Variants in TMEM132C observed in about 807,000 individuals in gnomAD.
TMEM132C encodes the protein protein phosphatase 1, regulatory subunit 152.
A neutral mutation model predicts 61.4 loss-of-function variants in TMEM132C; 29 were observed. That is an observed-to-expected ratio of 0.47 (90% CI 0.35 to 0.64). The LOEUF is 0.64. TMEM132C is among the 30% of genes least tolerant of loss of function. The pLI is 0.00. For synonymous variants in TMEM132C, 656 were observed against 633.1 expected (o/e 1.04, Z -0.54); for missense variants, 1,408 against 1,476.9 (o/e 0.95, Z 0.76).
chr12:128,310,159 C>T (rs1337654045), intron 1 of TMEM132C, among the ~76,000 whole-genome samples: 1 of 152,176 alleles, frequency 6.6e-6, no homozygotes, highest in Non-Finnish European at 1.5e-5. Flanking sequence ...GTGAATAATG[C>T]TGCCATGAAC....
At chr12:128,492,469 C>A (rs565296804) in intron 2 of TMEM132C, among the ~76,000 whole-genome samples, 7 of 152,126 alleles carry the variant, frequency 4.6e-5, no homozygotes, top group Middle Eastern at 3.2e-3. Context: ...TCCCACCAAC[C>A]GTGTAAAAGT....
intron 2 of TMEM132C, among the ~76,000 whole-genome samples, chr12:128,469,710 TTA>T (rs1870876440): frequency 6.6e-6 from 1 of 151,454 alleles, no homozygotes; most frequent in African/African-American, 2.4e-5. Flanking sequence ...ATATATGCAT[TTA>T]TGTGTGTGTG....
chr12:128,562,958 C>T (rs1203306247), intron 3 of TMEM132C, among the ~76,000 whole-genome samples: 1 of 152,222 alleles, frequency 6.6e-6, no homozygotes, highest in Non-Finnish European at 1.5e-5. Context: ...CAAGATAGCT[C>T]ATCACCACCA....
intron 4 of TMEM132C, among the ~76,000 whole-genome samples, chr12:128,622,370 T>A (rs2398422): frequency 0.055 from 2,953 of 53,998 alleles, 134 homozygotes; most frequent in African/African-American, 0.08. Context: ...AATATATATA[T>A]ATATATATAT....
At chr12:128,515,442 A>G (rs1031054272) in intron 2 of TMEM132C, among the ~76,000 whole-genome samples, 2 of 152,246 alleles carry the variant, frequency 1.3e-5, no homozygotes, top group African/African-American at 2.4e-5. Context: ...AATGCTAAGC[A>G]GCTGAACTAA....
chr12:128,581,942 G>T (rs182556333), intron 3 of TMEM132C, among the ~76,000 whole-genome samples: 3 of 152,306 alleles, frequency 2.0e-5, no homozygotes, highest in Non-Finnish European at 2.9e-5. Flanking sequence ...AGTGGCTTCA[G>T]CTCCGCGAAT....
intron 2 of TMEM132C, among the ~76,000 whole-genome samples, chr12:128,427,802 A>T (rs1168839024): frequency 1.3e-5 from 2 of 152,208 alleles, no homozygotes; most frequent in African/African-American, 4.8e-5. Context: ...GCCATCTCTG[A>T]TGTTCCTCGA....
intron 2 of TMEM132C, among the ~76,000 whole-genome samples, chr12:128,510,097 A>T (rs981878168): frequency 6.6e-6 from 1 of 152,194 alleles, no homozygotes; most frequent in Admixed American, 6.5e-5. Flanking sequence ...GGAGTCAAGG[A>T]CATACAAAGT....
At chr12:128,430,282 T>C (rs893684242) in intron 2 of TMEM132C, among the ~76,000 whole-genome samples, 2 of 152,178 alleles carry the variant, frequency 1.3e-5, no homozygotes, top group Admixed American at 6.5e-5. Context: ...CCCTATGGCA[T>C]TGGATACCAT....
chr12:128,559,748 A>AT (rs1447452906), intron 3 of TMEM132C, among the ~76,000 whole-genome samples: 4 of 152,116 alleles, frequency 2.6e-5, no homozygotes, highest in African/African-American at 9.7e-5. Flanking sequence ...CTAGCATGGT[A>AT]TTTGTGAGCC....
intron 1 of TMEM132C, among the ~76,000 whole-genome samples, chr12:128,291,111 G>A (rs988120801): frequency 6.6e-6 from 1 of 152,192 alleles, no homozygotes; most frequent in Non-Finnish European, 1.5e-5. Context: ...GATGACCCGA[G>A]CAGCACAGGA....
At chr12:128,610,870 G>A (rs1876609621) in intron 3 of TMEM132C, among the ~76,000 whole-genome samples, 1 of 152,190 alleles carries the variant, frequency 6.6e-6, no homozygotes, top group Non-Finnish European at 1.5e-5. Flanking sequence ...CCAGTTCACA[G>A]TGAATGGCTG....
rs1327237890 is a variant in TMEM132C at position 128,706,318 on chromosome 12, G to A, written c.*23G>A. 6.7e-7 allele frequency: 1 copy of A among 1,482,474 alleles called. No homozygotes were observed. The highest frequency in any genetic ancestry group is 2.5e-5 in the East Asian group (1 of 40,370). The allele number at this position is 1,482,474 out of a possible 1,614,324, so 91.8% of individuals were successfully genotyped here. A position where few individuals can be genotyped will look rare whatever the true frequency, so the allele number is the denominator to read the frequency against. On this transcript the variant is annotated 3_prime_UTR_variant, in exon 9 of 9. Coordinates refer to ENST00000435159, the MANE Select transcript of TMEM132C (RefSeq NM_001136103.3). ...TAGGCCCCTCTAGCCAAAGGGCCCT[G>A]CCCAGATGCCTTCCTTGTACTGGAA...
chr12:128,434,170 A>G (rs1409115057), intron 2 of TMEM132C, among the ~76,000 whole-genome samples: 3 of 152,238 alleles, frequency 2.0e-5, no homozygotes, highest in Non-Finnish European at 4.4e-5. Context: ...GCAGCTAACA[A>G]TGCTTAACCA....
Position 128,396,064 on chromosome 12 carries a change from G to A in TMEM132C, c.86-18668G>A, listed in dbSNP as rs149559343. On this transcript the variant is annotated intron_variant, in intron 1 of 8. Transcript: ENST00000435159. Reference sequence around the variant, plus strand: ...GTGGTACAGAAAGATACATGGATGCGGGGTCCTTAGTGAGTTCATGGAGCC... The same window carrying A: ...GTGGTACAGAAAGATACATGGATGCAGGGTCCTTAGTGAGTTCATGGAGCC... 1.8e-3 allele frequency among the ~76,000 whole-genome samples: 271 copies of A among 152,282 alleles called. 1 individual carries two copies. Among genetic ancestry groups the A allele is most frequent in the African/African-American group, 6.3e-3 (260 of 41,550 alleles).
intron 1 of TMEM132C, among the ~76,000 whole-genome samples, chr12:128,387,660 A>C (rs1032670947): frequency 2.0e-5 from 3 of 152,080 alleles, no homozygotes; most frequent in African/African-American, 4.8e-5. Context: ...AAATACAAAA[A>C]TTAGCTGGGC....
At chr12:128,530,594 C>T (rs1019063611) in intron 2 of TMEM132C, among the ~76,000 whole-genome samples, 1 of 152,152 alleles carries the variant, frequency 6.6e-6, no homozygotes, top group Admixed American at 6.5e-5. Context: ...CAAGCATGTG[C>T]CACCACGCCC....
intron 4 of TMEM132C, among the ~76,000 whole-genome samples, chr12:128,620,759 A>G (rs1011729657): frequency 1.7e-4 from 26 of 151,280 alleles, no homozygotes; most frequent in African/African-American, 6.3e-4. Context: ...TTATGAAATC[A>G]TTTTCCTTGA....
chr12:128,459,892 A>AAG (rs1870476580), intron 2 of TMEM132C, among the ~76,000 whole-genome samples: 1 of 151,232 alleles, frequency 6.6e-6, no homozygotes, highest in Non-Finnish European at 1.5e-5. Flanking sequence ...CTCAAAAAAA[A>AAG]AAAAAAAAAA....
Sources: allele counts gnomAD v4.1 joint callset (sites outside exome capture counted in the v4.1 genomes callset), GRCh38; gene constraint gnomAD v4.1.1; transcripts MANE v1.5; gene names NCBI Gene and HGNC (gene_info 2026-07-23, HGNC 2026-07-21).